Variants in IL1RAPL2 observed in about 807,000 individuals in gnomAD.
IL1RAPL2 encodes interleukin 1 receptor accessory protein like 2.
IL1RAPL2 carries 3 observed loss-of-function variants against 44.1 expected under a neutral mutation model. That is an observed-to-expected ratio of 0.07 (90% CI 0.03 to 0.18). The LOEUF is 0.18. Ranked by LOEUF, IL1RAPL2 falls within the 10% of genes least tolerant of loss-of-function variation. The pLI, the probability that IL1RAPL2 is intolerant of heterozygous loss-of-function variation, is 1.00. For missense variants in IL1RAPL2, 391 were observed against 496.4 expected (o/e 0.79, Z 2.02); for synonymous variants, 181 against 178.8 (o/e 1.01, Z -0.10).
At chrX:105,512,608 A>C (rs778000038) in intron 6 of IL1RAPL2, among the ~76,000 whole-genome samples, 19 of 111,673 alleles carry the variant, frequency 1.7e-4, no homozygotes, top group Non-Finnish European at 3.4e-4. Flanking sequence ...GAAAAGAAAA[A>C]ATTCATGAGA....
chrX:105,417,352 A>G (rs1231168335), intron 5 of IL1RAPL2, among the ~76,000 whole-genome samples: 2 of 111,994 alleles, frequency 1.8e-5, no homozygotes, highest in African/African-American at 6.5e-5. Context: ...GTGTGCCTGT[A>G]ATCCCAGCTA....
chrX:104,673,329 T>C (rs1258535803), intron 2 of IL1RAPL2, among the ~76,000 whole-genome samples: 2 of 111,495 alleles, frequency 1.8e-5, no homozygotes, highest in Non-Finnish European at 3.8e-5. Context: ...TAGCCAGTTT[T>C]CCCAGCACCA....
intron 4 of IL1RAPL2, among the ~76,000 whole-genome samples, chrX:105,258,713 T>A (rs1008019949): frequency 2.7e-5 from 3 of 112,252 alleles, no homozygotes; most frequent in Non-Finnish European, 3.8e-5. Flanking sequence ...CAGCTTGCTT[T>A]ATTCTGCTAT....
chrX:104,739,567 T>G (rs1315061380), intron 2 of IL1RAPL2, among the ~76,000 whole-genome samples: 1 of 111,803 alleles, frequency 8.9e-6, no homozygotes. Flanking sequence ...ATCTTCTATT[T>G]GAAGGAGCTC....
chrX:104,799,798 T>TC (rs1384249361), intron 2 of IL1RAPL2, among the ~76,000 whole-genome samples: 2 of 111,609 alleles, frequency 1.8e-5, no homozygotes, highest in African/African-American at 6.5e-5. Flanking sequence ...ATCCATCACC[T>TC]CACCAACTTA....
rs997535328 is a variant in IL1RAPL2 at position 104,571,473 on chromosome X, T to C, written c.-20+4422T>C. Among the ~76,000 whole-genome samples the C allele has an allele frequency of 7.2e-5, 8 of 111,519 alleles. No individual in the cohort carries two copies. The East Asian group carries it at 2.0e-3, about 28-fold the overall frequency. On this transcript the variant is annotated intron_variant, in intron 1 of 10. Transcript: ENST00000372582. ...CAAGGATGGGGCCAGGTGGAGATAA[T>C]TGAATCATGGGGATGGTTTCCCCAC...
chrX:104,731,410 C>CT (rs1330362540), intron 2 of IL1RAPL2, among the ~76,000 whole-genome samples: 1 of 109,531 alleles, frequency 9.1e-6, no homozygotes, highest in African/African-American at 3.3e-5. Flanking sequence ...GTGTAACAGA[C>CT]TTTTTTTTTG....
At chrX:105,083,693 C>G (rs1248924776) in intron 2 of IL1RAPL2, among the ~76,000 whole-genome samples, 1 of 111,613 alleles carries the variant, frequency 9.0e-6, no homozygotes, top group South Asian at 3.8e-4. Context: ...AATTTTCATC[C>G]CAGAATTTCA....
chrX:105,028,412 G>C (rs771624497), intron 2 of IL1RAPL2, among the ~76,000 whole-genome samples: 2 of 111,509 alleles, frequency 1.8e-5, no homozygotes, highest in Non-Finnish European at 3.8e-5. Context: ...TTATTTCATA[G>C]TACATGCCTG....
chrX:104,992,099 G>T (rs1237800247), intron 2 of IL1RAPL2, among the ~76,000 whole-genome samples: 2 of 111,047 alleles, frequency 1.8e-5, no homozygotes, highest in Non-Finnish European at 3.8e-5. Context: ...AATGAGAGTG[G>T]AAGGGAAGAG....
At chrX:104,898,380 G>C (rs1378191932) in intron 2 of IL1RAPL2, among the ~76,000 whole-genome samples, 2 of 112,346 alleles carry the variant, frequency 1.8e-5, no homozygotes, top group Non-Finnish European at 1.9e-5. Context: ...CTCAATGAGA[G>C]ACAACTAAGT....
At chrX:105,205,995 A>G (rs1357211085) in intron 3 of IL1RAPL2, among the ~76,000 whole-genome samples, 3 of 110,470 alleles carry the variant, frequency 2.7e-5, no homozygotes, top group African/African-American at 9.9e-5. Context: ...TCCCAGATAT[A>G]TATTGAAGGA....
At chrX:104,660,620 G>GACACACACAC (rs3055134) in intron 2 of IL1RAPL2, among the ~76,000 whole-genome samples, 38 of 95,531 alleles carry the variant, frequency 4.0e-4, no homozygotes, top group Non-Finnish European at 7.4e-4. Flanking sequence ...TGTATGTATA[G>GACACACACAC]ACACACACAC....
In IL1RAPL2 at chrX:105,412,306, G is replaced by GTA. The variant is rs56979628; in HGVS notation, c.698-71974_698-71973dup. Among the ~76,000 whole-genome samples the GTA allele has an allele frequency of 7.4e-4, 69 of 93,175 alleles. No individual in the cohort carries two copies. In the South Asian group the frequency reaches 9.9e-3, roughly 13 times the overall value. The allele number at this position is 93,175 out of a possible 115,157, so 80.9% of individuals were successfully genotyped here. A position where few individuals can be genotyped will look rare whatever the true frequency, so the allele number is the denominator to read the frequency against. ...GCAGATGAGTGATAAGAAAAATGTA[G>GTA]TATATATATATATATATATATATAT... On this transcript the variant is annotated intron_variant, in intron 5 of 10. Transcript: ENST00000372582.
At chrX:104,950,635 T>C (rs1036815222) in intron 2 of IL1RAPL2, among the ~76,000 whole-genome samples, 10 of 112,683 alleles carry the variant, frequency 8.9e-5, no homozygotes, top group African/African-American at 3.2e-4. Context: ...TCCGTGGGCG[T>C]AGGACCCTCC....
At chrX:104,652,334 A>G (rs1314613885) in intron 1 of IL1RAPL2, among the ~76,000 whole-genome samples, 1 of 112,185 alleles carries the variant, frequency 8.9e-6, no homozygotes, top group Non-Finnish European at 1.9e-5. Flanking sequence ...GGATAATCCC[A>G]TGTTAGACAA....
At chrX:104,943,757 A>G (rs1454479256) in intron 2 of IL1RAPL2, among the ~76,000 whole-genome samples, 1 of 111,497 alleles carries the variant, frequency 9.0e-6, no homozygotes, top group Non-Finnish European at 1.9e-5. Flanking sequence ...ACCACTAGCT[A>G]ACATACTATA....
chrX:104,877,050 G>A (rs1922925776), intron 2 of IL1RAPL2, among the ~76,000 whole-genome samples: 1 of 110,443 alleles, frequency 9.1e-6, no homozygotes, highest in Admixed American at 9.7e-5. Context: ...CCCTACAAAG[G>A]ACATGAACTC....
intron 6 of IL1RAPL2, among the ~76,000 whole-genome samples, chrX:105,622,130 A>G (rs1311435698): frequency 1.8e-5 from 2 of 110,049 alleles, no homozygotes; most frequent in Non-Finnish European, 1.9e-5. Flanking sequence ...TGCCTTTTTA[A>G]TCATACGACA....
Sources: allele counts gnomAD v4.1 joint callset (sites outside exome capture counted in the v4.1 genomes callset), GRCh38; gene constraint gnomAD v4.1.1; transcripts MANE v1.5; gene names NCBI Gene and HGNC (gene_info 2026-07-23, HGNC 2026-07-21).